The following SMIM36 variants were observed in gnomAD, a reference collection of about 807,000 sequenced individuals.
The protein encoded by SMIM36 is small integral membrane protein 36.
chr17:55,491,388 G>C (rs896123339), intron 1 of SMIM36, among the ~76,000 whole-genome samples: 5 of 150,802 alleles, frequency 3.3e-5, no homozygotes, highest in Non-Finnish European at 5.9e-5. Flanking sequence ...CTTTTCCTTC[G>C]CTCCATTTTT....
chr17:55,460,579 C>T lies in SMIM36; in HGVS notation c.*531+6566G>A, dbSNP rs138771942. The stretch of plus-strand genomic sequence containing the variant: ...GTAAATTTAAAACATATAAATAGGC[C>T]GGGAGCAGTGGCTCACGCCTGTAAT... On this transcript the variant is annotated intron_variant, in intron 4 of 4. Coordinates refer to ENST00000636752, the Ensembl canonical transcript of SMIM36. Among the ~76,000 whole-genome samples the T allele has an allele frequency of 5.1e-4, 78 of 152,076 alleles. 1 individual carries two copies. The highest frequency in any genetic ancestry group is 4.6e-3 in the Admixed American group (71 of 15,274).
Position 55,510,878 on chromosome 17 carries a change from C to G in SMIM36, c.*174+1G>C. The G allele has an allele frequency of 2.6e-6, 1 of 379,842 alleles. No individual in the cohort carries two copies. The highest frequency in any genetic ancestry group is 4.7e-6 in the Non-Finnish European group (1 of 214,636). 23.5% of individuals were successfully genotyped at this position (379,842 alleles called of 1,614,324 possible). A position where few individuals can be genotyped will look rare whatever the true frequency, so the allele number is the denominator to read the frequency against. On this transcript the variant is annotated splice_donor_variant, in intron 1 of 4. Coordinates refer to ENST00000636752, the Ensembl canonical transcript of SMIM36. LOFTEE classifies it low-confidence loss of function (3UTR_SPLICE). ...ACTAAAGACCACTTTGGGCTTCTTACCTTAAACAGTTACTTTTGTCACAAA... is the reference window on the plus strand; with the variant it reads ...ACTAAAGACCACTTTGGGCTTCTTAGCTTAAACAGTTACTTTTGTCACAAA...
the SMIM36 span, among the ~76,000 whole-genome samples, chr17:55,525,684 G>T: frequency 2.6e-5 from 4 of 152,074 alleles, no homozygotes; most frequent in African/African-American, 2.4e-5. Flanking sequence ...TTAAGACAGG[G>T]TTTCACTCTG....
the SMIM36 span, among the ~76,000 whole-genome samples, chr17:55,531,589 A>G: frequency 1.3e-5 from 2 of 152,206 alleles, no homozygotes; most frequent in African/African-American, 4.8e-5. Flanking sequence ...GATAAGGTGG[A>G]CATGTTTTTA....
At chr17:55,455,516 G>T (rs1379768936) in intron 4 of SMIM36, among the ~76,000 whole-genome samples, 2 of 152,190 alleles carry the variant, frequency 1.3e-5, no homozygotes, top group Non-Finnish European at 2.9e-5. Flanking sequence ...GAGACTGGGT[G>T]CAGTGGCTCA....
intron 1 of SMIM36, among the ~76,000 whole-genome samples, chr17:55,484,401 A>AT (rs1431855914): frequency 6.6e-6 from 1 of 152,216 alleles, no homozygotes; most frequent in Non-Finnish European, 1.5e-5. Context: ...GTAATAATTG[A>AT]TTCAAGCAAT....
intron 1 of SMIM36, among the ~76,000 whole-genome samples, chr17:55,491,117 C>T (rs1202873629): frequency 6.6e-6 from 1 of 151,706 alleles, no homozygotes; most frequent in African/African-American, 2.4e-5. Flanking sequence ...TGTGGTGGTG[C>T]TGTAGTTTCA....
At chr17:55,501,340 T>TATATTCTATAATATATA (rs1567871097) in intron 1 of SMIM36, among the ~76,000 whole-genome samples, 46 of 50,308 alleles carry the variant, frequency 9.1e-4, no homozygotes, top group South Asian at 2.8e-3. Context: ...TATAATATAT[T>TATATTCTATAATATATA]ATATATTATA....
chr17:55,490,440 G>A (rs1228159702), intron 1 of SMIM36, among the ~76,000 whole-genome samples: 5 of 152,196 alleles, frequency 3.3e-5, no homozygotes, highest in Non-Finnish European at 7.3e-5. Flanking sequence ...GAGCCATACG[G>A]TAAGAATGGG....
intron 1 of SMIM36, among the ~76,000 whole-genome samples, chr17:55,492,707 G>A (rs111949590): frequency 7.3e-5 from 11 of 151,276 alleles, no homozygotes; most frequent in Non-Finnish European, 1.5e-4. Flanking sequence ...TAGGGGCAAT[G>A]CAATTGAAAT....
chr17:55,483,994 T>G (rs998054315), intron 1 of SMIM36, among the ~76,000 whole-genome samples: 12 of 152,200 alleles, frequency 7.9e-5, no homozygotes, highest in African/African-American at 2.4e-4. Flanking sequence ...CACATTCTAT[T>G]AGCTTTGTTT....
intron 3 of SMIM36, among the ~76,000 whole-genome samples, chr17:55,474,202 G>A (rs983728617): frequency 2.6e-5 from 4 of 152,218 alleles, no homozygotes; most frequent in African/African-American, 9.6e-5. Flanking sequence ...CTTGGTGTCT[G>A]AGGGGTTTTG....
chr17:55,508,302 G>A (rs1007573401), intron 1 of SMIM36, among the ~76,000 whole-genome samples: 2 of 151,344 alleles, frequency 1.3e-5, no homozygotes, highest in East Asian at 3.9e-4. Context: ...AGTGCAAAAC[G>A]CAATAAAAAG....
chr17:55,514,346 G>A (rs938347487), upstream of SMIM36, among the ~76,000 whole-genome samples: 8 of 152,122 alleles, frequency 5.3e-5, no homozygotes, highest in African/African-American at 1.4e-4. Flanking sequence ...TAATTCCTTC[G>A]TTTATTACAA....
rs1263833347 is a variant in SMIM36, at chr17:55,453,417, G to T, written c.*532-3119C>A. 3.9e-5 allele frequency among the ~76,000 whole-genome samples: 6 copies of T among 152,168 alleles called. No individual in the cohort carries two copies. In the East Asian group the frequency reaches 1.2e-3, roughly 29 times the overall value. On this transcript the variant is annotated intron_variant, in intron 4 of 4. Transcript: ENST00000636752. Reference sequence around the variant, plus strand: ...GCCTTCCTTTCACGTTTAAAGGCCTGCAAACCATATAAATCATCCCATAGG... The same window carrying T: ...GCCTTCCTTTCACGTTTAAAGGCCTTCAAACCATATAAATCATCCCATAGG...
intron 2 of SMIM36, among the ~76,000 whole-genome samples, chr17:55,479,181 A>C (rs1184210746): frequency 1.3e-5 from 2 of 152,248 alleles, no homozygotes; most frequent in Non-Finnish European, 2.9e-5. Context: ...CATAGGATTC[A>C]GTATTGCTAC....
rs1250938422 is a variant in SMIM36, at chr17:55,463,515, A to ATTCC, written c.*531+3626_*531+3629dup. Among the ~76,000 whole-genome samples, 8 of 152,238 alleles carry ATTCC rather than the reference A, an allele frequency of 5.3e-5. No homozygotes were observed. In the East Asian group the frequency reaches 1.5e-3, roughly 29 times the overall value. On this transcript the variant is annotated intron_variant, in intron 4 of 4. Transcript: ENST00000636752. Reference sequence around the variant, plus strand: ...AGCAGAGTTATGACTTTGCCACTGCATTCCTGCCTGGGTGACAAGAGCGAG... The same window carrying ATTCC: ...AGCAGAGTTATGACTTTGCCACTGCATTCCTTCCTGCCTGGGTGACAAGAGCGAG...
chr17:55,471,157 C>T (rs1304951655), intron 3 of SMIM36, among the ~76,000 whole-genome samples: 3 of 152,156 alleles, frequency 2.0e-5, no homozygotes, highest in Non-Finnish European at 2.9e-5. Context: ...CTTGGACTGA[C>T]CCTGACACCC....
At chr17:55,456,008 C>T (rs956525605) in intron 4 of SMIM36, among the ~76,000 whole-genome samples, 2 of 149,212 alleles carry the variant, frequency 1.3e-5, no homozygotes, top group African/African-American at 4.9e-5. Context: ...ATCCCAGCTA[C>T]CTGGGAGGCT....
Sources: allele counts gnomAD v4.1 joint callset (sites outside exome capture counted in the v4.1 genomes callset), GRCh38; gene constraint gnomAD v4.1.1; transcripts MANE v1.5; gene names NCBI Gene and HGNC (gene_info 2026-07-23, HGNC 2026-07-21).